KCNQ1: variants seen among roughly 807,000 people sequenced by gnomAD.
The protein encoded by KCNQ1 is potassium voltage-gated channel subfamily Q member 1, also known as potassium voltage-gated channel subfamily KQT member 1.
Under a neutral mutation model 72.4 loss-of-function variants are expected in KCNQ1, and 49 were observed. That is an observed-to-expected ratio of 0.68 (90% CI 0.54 to 0.86). The LOEUF is 0.86. Ranked by LOEUF, KCNQ1 falls within the 40% of genes least tolerant of loss-of-function variation. The probability of loss-of-function intolerance (pLI) is 0.00; values close to 1 mark genes in which losing one functional copy is unlikely to be tolerated. For missense variants in KCNQ1, 790 were observed against 945.1 expected (o/e 0.84, Z 2.15); for synonymous variants, 450 against 412.6 (o/e 1.09, Z -1.10).
intron 10 of KCNQ1, chr11:2,632,197 A>AAG: frequency 2.5e-6 from 1 of 397,976 alleles, no homozygotes; most frequent in Non-Finnish European, 4.4e-6. Context: ...AAAAAAAAAA[A>AAG]AAAAAAGAAA....
At position 2,670,253 on chromosome 11, in the gene KCNQ1, G is replaced by A; in HGVS notation, c.1514+8172G>A. 2.5e-6 allele frequency: 1 copy of A among 398,586 alleles called. No homozygotes were observed. Among genetic ancestry groups the A allele is most frequent in the Non-Finnish European group, 4.4e-6 (1 of 226,080 alleles). The allele number at this position is 398,586 out of a possible 1,614,324, so 24.7% of individuals were successfully genotyped here. ...TTTGACCCTGCACATGACGGGCGAGGGAAGAGGACCATGGTAGCTTGTCTC... is the reference window on the plus strand; with the variant it reads ...TTTGACCCTGCACATGACGGGCGAGAGAAGAGGACCATGGTAGCTTGTCTC... On this transcript the variant is annotated intron_variant, in intron 11 of 15. Transcript: ENST00000155840. The surrounding 1 kb of genome is among the most constrained non-coding windows in gnomAD (Gnocchi z 4.9).
intron 2 of KCNQ1, among the ~76,000 whole-genome samples, chr11:2,570,018 A>G (rs1282777456): frequency 1.3e-5 from 2 of 152,196 alleles, no homozygotes; most frequent in East Asian, 3.9e-4. Context: ...CCGCAGGTAC[A>G]CCAGGCTCAA....
chr11:2,463,939 G>A lies in KCNQ1; in HGVS notation c.386+18455G>A, dbSNP rs867442997. Among the ~76,000 whole-genome samples the A allele has an allele frequency of 6.6e-6, 1 of 152,218 alleles. No individual in the cohort carries two copies. Among genetic ancestry groups the A allele is most frequent in the Non-Finnish European group, 1.5e-5 (1 of 68,026 alleles). ...GGTGTGAGGCAGCACCGAGGGCTCCGTGCCCAGCAGGCTCACTGTCGGCAG... is the reference window on the plus strand; with the variant it reads ...GGTGTGAGGCAGCACCGAGGGCTCCATGCCCAGCAGGCTCACTGTCGGCAG... On this transcript the variant is annotated intron_variant, in intron 1 of 15. Coordinates refer to ENST00000155840, the MANE Select transcript of KCNQ1 (RefSeq NM_000218.3). This position sits in a 1 kb window ranked among gnomAD's most constrained non-coding sequence, Gnocchi z 7.0.
rs535580149 is a variant in KCNQ1, at chr11:2,525,569, C to T, written c.387-2359C>T. On this transcript the variant is annotated intron_variant, in intron 1 of 15. Transcript: ENST00000155840. ...TGGAGGGTGGGGGTGCAGAGAGCGT[C>T]CCTGGCTGGAAGCACCGCGTTTGCA... Among the ~76,000 whole-genome samples the T allele has an allele frequency of 2.0e-5, 3 of 152,302 alleles. No homozygotes were observed. In the East Asian group the frequency reaches 5.8e-4, roughly 29 times the overall value.
At chr11:2,644,286 A>G (rs1171067935) in intron 10 of KCNQ1, 1 of 398,088 alleles carries the variant, frequency 2.5e-6, no homozygotes, top group Non-Finnish European at 4.4e-6. Flanking sequence ...TATTTTTTCT[A>G]TATTTTTGTC....
intron 15 of KCNQ1, among the ~76,000 whole-genome samples, chr11:2,837,161 C>T (rs537349550): frequency 2.6e-5 from 4 of 152,244 alleles, no homozygotes; most frequent in East Asian, 3.9e-4. Flanking sequence ...TCTCGAGTGT[C>T]CAGAGAGAGG....
In KCNQ1 at chr11:2,712,619, C is replaced by T. The variant is rs1360706017; in HGVS notation, c.1514+50538C>T. On this transcript the variant is annotated intron_variant, in intron 11 of 15. Coordinates refer to ENST00000155840, the MANE Select transcript of KCNQ1 (RefSeq NM_000218.3). The surrounding 1 kb of genome is among the most constrained non-coding windows in gnomAD (Gnocchi z 6.4). Reference sequence around the variant, plus strand: ...GTGGTTTGAGGAGACTTAGGGGCTTCCATATTCCCCTTGGAACATGAAGAA... The same window carrying T: ...GTGGTTTGAGGAGACTTAGGGGCTTTCATATTCCCCTTGGAACATGAAGAA... 1.3e-5 allele frequency among the ~76,000 whole-genome samples: 2 copies of T among 152,196 alleles called. No individual in the cohort carries two copies. The highest frequency in any genetic ancestry group is 1.3e-4 in the Admixed American group (2 of 15,282).
chr11:2,719,929 A>G (rs773957155), intron 11 of KCNQ1, among the ~76,000 whole-genome samples: 4 of 152,272 alleles, frequency 2.6e-5, no homozygotes, highest in East Asian at 1.9e-4. Flanking sequence ...TCACAGATGT[A>G]TAGCTAGGTC....
intron 2 of KCNQ1, among the ~76,000 whole-genome samples, chr11:2,534,677 C>T (rs900948636): frequency 2.6e-5 from 4 of 152,230 alleles, no homozygotes; most frequent in African/African-American, 9.6e-5. Context: ...CTCTGTGGGC[C>T]TGTGGGCTCA....
chr11:2,544,294 G>C lies in KCNQ1; in HGVS notation c.477+16276G>C, dbSNP rs12798902. Among the ~76,000 whole-genome samples, 1 of 106,670 alleles carries C rather than the reference G, an allele frequency of 9.4e-6. No individual in the cohort carries two copies. The highest frequency in any genetic ancestry group is 8.5e-5 in the Admixed American group (1 of 11,744). The allele number at this position is 106,670 out of a possible 152,430, so 70.0% of individuals were successfully genotyped here. The stretch of plus-strand genomic sequence containing the variant: ...TGTATATATATGTGTATATATATAT[G>C]TATATATGTGTATATATGTATATAT... On this transcript the variant is annotated intron_variant, in intron 2 of 15. Transcript: ENST00000155840. The surrounding 1 kb of genome is among the most constrained non-coding windows in gnomAD (Gnocchi z 4.4).
At chr11:2,490,796 C>A (rs754988723) in intron 1 of KCNQ1, among the ~76,000 whole-genome samples, 11 of 152,212 alleles carry the variant, frequency 7.2e-5, no homozygotes, top group Non-Finnish European at 1.3e-4. Flanking sequence ...TTAAGCGATT[C>A]TCCTGCCTCA....
chr11:2,799,384 G>GTT (rs1792048620), intron 15 of KCNQ1, among the ~76,000 whole-genome samples: 1 of 152,006 alleles, frequency 6.6e-6, no homozygotes, highest in Non-Finnish European at 1.5e-5. Flanking sequence ...GAGTGTGTGT[G>GTT]TGTGTGTGTG....
Position 2,750,006 on chromosome 11 carries a change from A to G in KCNQ1, c.1515-18838A>G, listed in dbSNP as rs1227623673. 6.6e-6 allele frequency among the ~76,000 whole-genome samples: 1 copy of G among 150,788 alleles called. No individual in the cohort carries two copies. Among genetic ancestry groups the G allele is most frequent in the Non-Finnish European group, 1.5e-5 (1 of 67,828 alleles). On this transcript the variant is annotated intron_variant, in intron 11 of 15. Coordinates refer to ENST00000155840, the MANE Select transcript of KCNQ1 (RefSeq NM_000218.3). This position sits in a 1 kb window ranked among gnomAD's most constrained non-coding sequence, Gnocchi z 6.3. ...TACAGGGGCTCTACACGGCGCCCTG[A>G]GAATTGTGTGTAAATGAGTGAAAAT...
intron 2 of KCNQ1, among the ~76,000 whole-genome samples, chr11:2,539,974 A>G (rs1847796890): frequency 6.6e-6 from 1 of 152,152 alleles, no homozygotes; most frequent in Non-Finnish European, 1.5e-5. Context: ...AGCTGACACA[A>G]CACAACGGGA....
rs1846130029 is a variant in KCNQ1 at position 2,745,762 on chromosome 11, G to A, written c.1515-23082G>A. On this transcript the variant is annotated intron_variant, in intron 11 of 15. Coordinates refer to ENST00000155840, the MANE Select transcript of KCNQ1 (RefSeq NM_000218.3). This position sits in a 1 kb window ranked among gnomAD's most constrained non-coding sequence, Gnocchi z 6.2. ...CTTGTCTGCTCACTAAGCGTGCCTT[G>A]GAGAAGGCCGCTCAGCGAGGGCCGC... 6.6e-6 allele frequency among the ~76,000 whole-genome samples: 1 copy of A among 152,242 alleles called. No individual in the cohort carries two copies. The highest frequency in any genetic ancestry group is 1.5e-5 in the Non-Finnish European group (1 of 68,036).
Position 2,826,571 on chromosome 11 carries a change from C to T in KCNQ1, c.1795-21196C>T, listed in dbSNP as rs1234275318. Among the ~76,000 whole-genome samples, 2 of 152,248 alleles carry T rather than the reference C, an allele frequency of 1.3e-5. No individual in the cohort carries two copies. The highest frequency in any genetic ancestry group is 1.3e-4 in the Admixed American group (2 of 15,292). On this transcript the variant is annotated intron_variant, in intron 15 of 15. Transcript: ENST00000155840. This position sits in a 1 kb window ranked among gnomAD's most constrained non-coding sequence, Gnocchi z 4.2. ...CCCGAAGGCCTCCCCAGCAGACCTG[C>T]AGCTGGGCACCCACAGGGTAGAAAT... is the stretch of plus-strand genomic sequence containing the variant.
intron 15 of KCNQ1, among the ~76,000 whole-genome samples, chr11:2,794,229 C>T (rs1457905277): frequency 1.3e-5 from 2 of 152,264 alleles, no homozygotes; most frequent in East Asian, 1.9e-4. Flanking sequence ...GGCCTTGGGG[C>T]CAGCCCCCAG....
chr11:2,500,935 A>G (rs1037890917), intron 1 of KCNQ1, among the ~76,000 whole-genome samples: 1 of 152,124 alleles, frequency 6.6e-6, no homozygotes, highest in Admixed American at 6.6e-5. Flanking sequence ...TGACGGGTTG[A>G]TGGGTGCAGC....
In KCNQ1 at chr11:2,653,560, C is replaced by T. The variant is rs765447104; in HGVS notation, c.1394-8401C>T. 3 of 398,744 alleles carry T rather than the reference C, an allele frequency of 7.5e-6. No individual in the cohort carries two copies. The highest frequency in any genetic ancestry group is 1.3e-5 in the Non-Finnish European group (3 of 226,198). The allele number at this position is 398,744 out of a possible 1,614,324, so 24.7% of individuals were successfully genotyped here. ...CTCTTGCACTCCCCTTCTCCCTTCC[C>T]GTTCCCTCTTTTGTTCTCCCTTTCC... is the stretch of plus-strand genomic sequence containing the variant. On this transcript the variant is annotated intron_variant, in intron 10 of 15. Transcript: ENST00000155840. This position sits in a 1 kb window ranked among gnomAD's most constrained non-coding sequence, Gnocchi z 5.3.
Sources: allele counts gnomAD v4.1 joint callset (sites outside exome capture counted in the v4.1 genomes callset), GRCh38; gene constraint gnomAD v4.1.1; non-coding constraint Gnocchi (gnomAD v3.1); transcripts MANE v1.5; gene names NCBI Gene and HGNC (gene_info 2026-07-23, HGNC 2026-07-21).